The following C20orf173 variants were observed in gnomAD, a reference collection of about 807,000 sequenced individuals.
The protein encoded by C20orf173 is uncharacterized protein C20orf173.
Under a neutral mutation model 26.7 loss-of-function variants are expected in C20orf173, and 22 were observed. The observed-to-expected ratio is 0.82, with a 90% confidence interval of 0.59 to 1.18. The LOEUF (loss-of-function observed/expected upper bound fraction) is 1.18. C20orf173 is among the 50% of genes most tolerant of loss of function. C20orf173 has a pLI of 0.00. For synonymous variants in C20orf173, 85 were observed against 96.4 expected, an observed-to-expected ratio of 0.88 and a Z score of 0.69; for missense variants, 210 against 250.3, an observed-to-expected ratio of 0.84 and a Z score of 1.09.
At chr20:35,521,518 G>A (rs1375169945), downstream of C20orf173, among the ~76,000 whole-genome samples, 1 of 151,828 alleles carries the variant, frequency 6.6e-6, no homozygotes, top group African/African-American at 2.4e-5. Flanking sequence ...TGGGAGAGAG[G>A]AGAGGGAGAG....
chr20:35,528,144 C>A (rs2064516786), intron 5 of C20orf173, 89 bp downstream of exon 5: 11 of 1,117,200 alleles, frequency 9.8e-6, no homozygotes, highest in Non-Finnish European at 1.5e-5. Context: ...CCTGGTTGCA[C>A]CTGGGGAGGA....
At chr20:35,522,340 C>T (rs1379050747), downstream of C20orf173, 1 of 152,586 alleles carries the variant, frequency 6.6e-6, no homozygotes, top group African/African-American at 2.4e-5. Flanking sequence ...GCCAGGGTCT[C>T]TTTGGAGTTA....
intron 1 of C20orf173, 32 bp from the exon 2 acceptor site, chr20:35,529,456 G>A (rs1263258199): frequency 5.3e-6 from 7 of 1,315,936 alleles, no homozygotes; most frequent in African/African-American, 1.5e-5. Context: ...GCCACAGACA[G>A]CACCAGCTTC....
chr20:35,521,354 A>G (rs79650792), downstream of C20orf173, among the ~76,000 whole-genome samples: 1 of 152,156 alleles, frequency 6.6e-6, no homozygotes, highest in African/African-American at 2.4e-5. Context: ...CAGAAAAGAG[A>G]GCACCAACTA....
At chr20:35,524,727 TC>T (rs1249901342), downstream of C20orf173, among the ~76,000 whole-genome samples, 2 of 151,320 alleles carry the variant, frequency 1.3e-5, no homozygotes, top group Non-Finnish European at 1.5e-5. Context: ...AGACAGAATT[TC>T]GCTCTTGTTG....
At chr20:35,524,120 TG>T (rs2064490036), downstream of C20orf173, among the ~76,000 whole-genome samples, 1 of 152,048 alleles carries the variant, frequency 6.6e-6, no homozygotes, top group Non-Finnish European at 1.5e-5. Context: ...TGGGTTCAAA[TG>T]GTTCTCTTGC....
At chr20:35,523,244 T>C (rs2064485281), downstream of C20orf173, 1 of 152,114 alleles carries the variant, frequency 6.6e-6, no homozygotes, top group Non-Finnish European at 1.5e-5. Context: ...GGAGTGCTGG[T>C]GTAGGAAGGA....
chr20:35,526,058 G>A (rs920731576), downstream of C20orf173, among the ~76,000 whole-genome samples: 8 of 152,042 alleles, frequency 5.3e-5, no homozygotes, highest in Admixed American at 1.3e-4. Flanking sequence ...ACAATTCGCC[G>A]GCTAAATATT....
chr20:35,524,338 A>G (rs892600640), downstream of C20orf173, among the ~76,000 whole-genome samples: 14 of 152,092 alleles, frequency 9.2e-5, no homozygotes, highest in Admixed American at 9.2e-4. Flanking sequence ...TGTATATCTT[A>G]CACTTATAGT....
intron 2 of C20orf173, 47 bp downstream of exon 2, chr20:35,529,018 C>G (rs1157604770): frequency 1.3e-6 from 2 of 1,537,714 alleles, no homozygotes; most frequent in Admixed American, 2.0e-5. Context: ...ATGGGTGAGG[C>G]CCGGAAAGCA....
chr20:35,522,366 A>G (rs182099227), downstream of C20orf173: 5 of 152,592 alleles, frequency 3.3e-5, no homozygotes, highest in East Asian at 7.7e-4. Flanking sequence ...GTCACTCCCT[A>G]CAGTGACCTC....
Position 35,528,253 on chromosome 20 carries a change from C to T in C20orf173, c.*5G>A. On this transcript the variant is annotated 3_prime_UTR_variant, in exon 5 of 6. Coordinates refer to ENST00000444723, the MANE Select transcript of C20orf173 (RefSeq NM_001145350.2). Reference sequence around the variant, plus strand: ...CTCACCGTGTCTTTGCTATCTTCCACTCCACTAGGGAACCAGACCATCTTC... The same window carrying T: ...CTCACCGTGTCTTTGCTATCTTCCATTCCACTAGGGAACCAGACCATCTTC... 1.3e-6 allele frequency: 2 copies of T among 1,552,146 alleles called. No individual in the cohort carries two copies. The highest frequency in any genetic ancestry group is 1.7e-6 in the Non-Finnish European group (2 of 1,147,102).
chr20:35,528,674 T>G (rs2064524344), intron 3 of C20orf173, 27 bp downstream of exon 3: 2 of 1,529,912 alleles, frequency 1.3e-6, no homozygotes, highest in South Asian at 2.5e-5. Context: ...CTGGCCTTCC[T>G]GCTCCCGCCC....
rs1269348186 is a variant in C20orf173, at chr20:35,528,683, C to A, written c.488+18G>T. 3 of 1,528,918 alleles carry A rather than the reference C, an allele frequency of 2.0e-6. No individual in the cohort carries two copies. The highest frequency in any genetic ancestry group is 4.9e-5 in the East Asian group (2 of 40,700). 94.7% of individuals were successfully genotyped at this position (1,528,918 alleles called of 1,614,324 possible). A position where few individuals can be genotyped will look rare whatever the true frequency, so the allele number is the denominator to read the frequency against. On this transcript the variant is annotated intron_variant, in intron 3 of 5. Coordinates refer to ENST00000444723, the MANE Select transcript of C20orf173 (RefSeq NM_001145350.2). ...GCAGGCCTGGCCTTCCTGCTCCCGC[C>A]CTCTCCCCAGCACCCACCTGAAAAC...
chr20:35,525,451 C>G (rs1203243539), downstream of C20orf173, among the ~76,000 whole-genome samples: 1 of 152,056 alleles, frequency 6.6e-6, no homozygotes, highest in Non-Finnish European at 1.5e-5. Flanking sequence ...ACTCGAGAGG[C>G]TGAGGCAGGA....
chr20:35,528,818 C>T lies in C20orf173; in HGVS notation c.371G>A (p.Arg124Lys). Residue 124 changes from arginine (R) to lysine (K), a missense_variant, in exon 3 of 6, where the codon AGG (arginine) becomes AAG (lysine). Coordinates refer to ENST00000444723, the MANE Select transcript of C20orf173 (RefSeq NM_001145350.2). ...LWRKLFKGIPRLSVSHFDFYC... is the reference protein window; with the variant it reads ...LWRKLFKGIPKLSVSHFDFYC... ...GAAATCAAAATGGCTCACCGAGAGC[C>T]TGGGAATCCCTTTAAACAGCTTCCT... is the stretch of plus-strand genomic sequence containing the variant. 6.4e-7 allele frequency: 1 copy of T among 1,551,534 alleles called. No individual in the cohort carries two copies. The highest frequency in any genetic ancestry group is 8.7e-7 in the Non-Finnish European group (1 of 1,146,960).
chr20:35,529,043 G>T, intron 2 of C20orf173, 22 bp downstream of exon 2: 1 of 1,543,900 alleles, frequency 6.5e-7, no homozygotes, highest in Non-Finnish European at 8.8e-7. Context: ...GGATATGGCC[G>T]GGCCCAGTGT....
chr20:35,521,715 T>C (rs993246042), downstream of C20orf173, among the ~76,000 whole-genome samples: 5 of 151,986 alleles, frequency 3.3e-5, no homozygotes, highest in Admixed American at 6.6e-5. Flanking sequence ...TTCAAGCGAT[T>C]TTCTTGCCTC....
intron 3 of C20orf173, 78 bp from the exon 4 acceptor site, chr20:35,528,622 C>T (rs1462753608): frequency 1.3e-6 from 2 of 1,546,400 alleles, no homozygotes; most frequent in Non-Finnish European, 8.7e-7. Context: ...CCTGCTTCAT[C>T]TTGGGAAGGG....
Sources: gnomAD v4.1 joint callset for allele counts (sites outside exome capture counted in the v4.1 genomes callset) on GRCh38, gnomAD v4.1.1 for gene constraint, MANE v1.5 for transcripts, NCBI Gene and HGNC (gene_info 2026-07-23, HGNC 2026-07-21) for gene names.